Variants in ATAD2B observed in about 807,000 individuals in gnomAD.
ATAD2B encodes the protein ATPase family AAA domain containing 2B, also known as ATPase family AAA domain-containing protein 2B.
A neutral mutation model predicts 167.6 loss-of-function variants in ATAD2B; 40 were observed. That is an observed-to-expected ratio of 0.24 (90% confidence interval 0.19 to 0.31). The LOEUF (loss-of-function observed/expected upper bound fraction) is 0.31. Among genes scored for constraint, ATAD2B ranks in the 10% least tolerant of loss-of-function variants. The pLI is 1.00. For synonymous variants in ATAD2B, 579 were observed against 596.5 expected (o/e 0.97, Z 0.43); for missense variants, 1,242 against 1,757.2 (o/e 0.71, Z 5.24).
chr2:23,814,276 A>T (rs1419075927), intron 17 of ATAD2B, among the ~76,000 whole-genome samples: 2 of 152,242 alleles, frequency 1.3e-5, no homozygotes, highest in Non-Finnish European at 2.9e-5. Flanking sequence ...TTATTTAATT[A>T]TATAACTATA....
At chr2:23,859,511 T>C (rs1298563626) in intron 12 of ATAD2B, among the ~76,000 whole-genome samples, 1 of 148,936 alleles carries the variant, frequency 6.7e-6, no homozygotes, top group Non-Finnish European at 1.5e-5. Flanking sequence ...TTTCACCACG[T>C]TGCCCAGGCT....
intron 17 of ATAD2B, among the ~76,000 whole-genome samples, chr2:23,814,286 A>G (rs1686084361): frequency 2.0e-5 from 3 of 152,232 alleles, no homozygotes; most frequent in Admixed American, 2.0e-4. Context: ...ATATAACTAT[A>G]GAATGCCTCC....
At chr2:23,841,290 C>T (rs1355690949) in intron 13 of ATAD2B, among the ~76,000 whole-genome samples, 1 of 151,816 alleles carries the variant, frequency 6.6e-6, no homozygotes, top group East Asian at 1.9e-4. Context: ...ATAAGATTTC[C>T]TTTTTACATG....
At chr2:23,759,943 G>A (rs147695566) in intron 24 of ATAD2B, among the ~76,000 whole-genome samples, 2 of 152,254 alleles carry the variant, frequency 1.3e-5, no homozygotes, top group Non-Finnish European at 2.9e-5. Context: ...GGCCATTCCT[G>A]ACACCATAAC....
intron 1 of ATAD2B, among the ~76,000 whole-genome samples, chr2:23,923,884 G>A (rs979339968): frequency 2.6e-5 from 4 of 152,186 alleles, no homozygotes; most frequent in Non-Finnish European, 5.9e-5. Flanking sequence ...AGTGTAGTTA[G>A]TTAAGAACAT....
At chr2:23,698,184 C>T in the ATAD2B span, among the ~76,000 whole-genome samples, 3 of 152,170 alleles carry the variant, frequency 2.0e-5, no homozygotes, top group East Asian at 1.9e-4. Flanking sequence ...AGCATGGGCA[C>T]AGTGTGAGCG....
intron 11 of ATAD2B, among the ~76,000 whole-genome samples, chr2:23,864,413 T>G (rs1358864892): frequency 1.3e-5 from 2 of 152,198 alleles, no homozygotes; most frequent in Non-Finnish European, 2.9e-5. Context: ...TACAAATAAA[T>G]TATCAAGCTC....
chr2:23,883,952 T>C (rs1323315429), intron 6 of ATAD2B, among the ~76,000 whole-genome samples: 1 of 152,078 alleles, frequency 6.6e-6, no homozygotes, highest in Non-Finnish European at 1.5e-5. Flanking sequence ...AACACAAGCC[T>C]GGCCAACAAG....
intron 22 of ATAD2B, among the ~76,000 whole-genome samples, chr2:23,772,870 T>C (rs1230929457): frequency 1.3e-5 from 2 of 152,146 alleles, no homozygotes; most frequent in African/African-American, 4.8e-5. Flanking sequence ...CAGCTATTAA[T>C]AGGACCACAA....
chr2:23,743,490 G>A, the ATAD2B span, among the ~76,000 whole-genome samples: 2 of 151,380 alleles, frequency 1.3e-5, no homozygotes, highest in African/African-American at 4.9e-5. Flanking sequence ...TCGAACCCGG[G>A]AGGTGGAGGT....
At chr2:23,879,609 T>C (rs185018262) in intron 7 of ATAD2B, among the ~76,000 whole-genome samples, 1 of 152,178 alleles carries the variant, frequency 6.6e-6, no homozygotes, top group Admixed American at 6.5e-5. Flanking sequence ...CATAGTGAGA[T>C]CCCTTCTCTA....
Position 23,870,408 on chromosome 2 carries a change from C to T in ATAD2B, c.978-647G>A, listed in dbSNP as rs1271980518. Among the ~76,000 whole-genome samples, 3 of 150,862 alleles carry T rather than the reference C, an allele frequency of 2.0e-5. No homozygotes were observed. The Admixed American group carries it at 2.0e-4, about 10-fold the overall frequency. On this transcript the variant is annotated intron_variant, in intron 8 of 27. Coordinates refer to ENST00000238789, the MANE Select transcript of ATAD2B (RefSeq NM_017552.4). ...CTCAAGCGATCCTCCTGCCTCAAAC[C>T]CCCAAGTAACTGAGACTGGAGGCAC...
At chr2:23,762,971 T>C (rs575623003) in intron 23 of ATAD2B, among the ~76,000 whole-genome samples, 3 of 152,330 alleles carry the variant, frequency 2.0e-5, no homozygotes, top group East Asian at 3.9e-4. Flanking sequence ...ATTACTATTA[T>C]ATAATAATTC....
At chr2:23,838,929 A>C (rs142877703) in intron 13 of ATAD2B, among the ~76,000 whole-genome samples, 1 of 152,276 alleles carries the variant, frequency 6.6e-6, no homozygotes, top group East Asian at 1.9e-4. Flanking sequence ...TAATTGAAAA[A>C]TATTTCTTTC....
At chr2:23,678,219 G>T in the ATAD2B span, among the ~76,000 whole-genome samples, 1 of 152,310 alleles carries the variant, frequency 6.6e-6, no homozygotes, top group East Asian at 1.9e-4. Context: ...AAAGCATCCA[G>T]CCCCAGGCAG....
At chr2:23,835,588 G>C (rs762868964) in intron 13 of ATAD2B, among the ~76,000 whole-genome samples, 4 of 152,194 alleles carry the variant, frequency 2.6e-5, no homozygotes, top group Non-Finnish European at 5.9e-5. Flanking sequence ...TGACTGTAGT[G>C]ATGGTTACAC....
chr2:23,880,227 A>G (rs1054577846), intron 7 of ATAD2B, among the ~76,000 whole-genome samples: 2 of 152,222 alleles, frequency 1.3e-5, no homozygotes, highest in East Asian at 1.9e-4. Flanking sequence ...TGCTGCTACC[A>G]TGTACTTTGA....
chr2:23,893,379 T>G (rs940552680), intron 2 of ATAD2B, among the ~76,000 whole-genome samples: 1 of 152,134 alleles, frequency 6.6e-6, no homozygotes, highest in Non-Finnish European at 1.5e-5. Flanking sequence ...AAGTTTACCT[T>G]AGATGCTCAT....
intron 14 of ATAD2B, among the ~76,000 whole-genome samples, chr2:23,829,564 A>G (rs1201255705): frequency 6.6e-6 from 1 of 152,158 alleles, no homozygotes; most frequent in Non-Finnish European, 1.5e-5. Flanking sequence ...TAGCCTGGAC[A>G]ACATAGTGAC....
Sources: gnomAD v4.1 joint callset for allele counts (sites outside exome capture counted in the v4.1 genomes callset) on GRCh38, gnomAD v4.1.1 for gene constraint, MANE v1.5 for transcripts, NCBI Gene and HGNC (gene_info 2026-07-23, HGNC 2026-07-21) for gene names.